Variants in BDNF observed in about 807,000 individuals in gnomAD.
The protein encoded by BDNF is neurotrophic factor BDNF precursor form.
Under a neutral mutation model 19.5 loss-of-function variants are expected in BDNF, and 1 was observed. The ratio of observed to expected loss-of-function variants is 0.05; its 90% CI spans 0.02 to 0.24. The LOEUF (loss-of-function observed/expected upper bound fraction) is 0.24, where lower values mean the gene tolerates loss of function less well. BDNF is among the 10% of genes least tolerant of loss of function. The pLI is 1.00. For missense variants in BDNF, 195 were observed against 317.6 expected (o/e 0.61, Z 2.93); for synonymous variants, 100 against 121.6 (o/e 0.82, Z 1.17).
intron 1 of BDNF, among the ~76,000 whole-genome samples, chr11:27,671,852 T>C (rs1483173569): frequency 6.6e-6 from 1 of 152,152 alleles, no homozygotes; most frequent in Non-Finnish European, 1.5e-5. Flanking sequence ...ATAAGATTTA[T>C]TTAGTGCAAT....
At position 27,658,414 on chromosome 11, in the gene BDNF, C is replaced by T. The variant is rs746682028; in HGVS notation, c.151G>A (p.Ala51Thr). ...AATGATGTCAAGCCTCTTGAACCTG[C>T]CTTGGGCCCATTCACGCTCTCCAGA... ...GTLESVNGPK[A>T]GSRGLTSLAD... Residue 51 changes from alanine to threonine, a missense_variant, in exon 2 of 2, where the codon GCA becomes ACA. Coordinates refer to ENST00000356660, the MANE Select transcript of BDNF (RefSeq NM_001709.5). The surrounding 1 kb of genome is among the most constrained non-coding windows in gnomAD (Gnocchi z 5.7). 1 of 1,614,196 alleles carries T rather than the reference C, an allele frequency of 6.2e-7. No individual in the cohort carries two copies. Among genetic ancestry groups the T allele is most frequent in the Non-Finnish European group, 8.5e-7 (1 of 1,180,038 alleles).
intron 1 of BDNF, among the ~76,000 whole-genome samples, chr11:27,685,092 A>G (rs1414686949): frequency 6.6e-6 from 1 of 152,156 alleles, no homozygotes; most frequent in Non-Finnish European, 1.5e-5. Context: ...TTATTGGTCT[A>G]TTCAGGAATT....
chr11:27,694,077 T>TA (rs1858657807), intron 1 of BDNF, among the ~76,000 whole-genome samples: 1 of 152,196 alleles, frequency 6.6e-6, no homozygotes, highest in Non-Finnish European at 1.5e-5. Context: ...ATTTTTTCTC[T>TA]GCTTACCAGA....
At position 27,657,966 on chromosome 11, in the gene BDNF, T is replaced by G; in HGVS notation, c.599A>C (p.Asp200Ala). The change falls in exon 2 of 2, where the codon GAC becomes GCC. Residue 200 changes from aspartate (D) to alanine (A), a missense_variant. By Grantham distance (126) the Asp-to-Ala change is moderately radical. Transcript: ENST00000356660. The surrounding 1 kb of genome is among the most constrained non-coding windows in gnomAD (Gnocchi z 5.0). The stretch of plus-strand genomic sequence containing the variant: ...GCACTGGGAGTTCCAATGCCTTTTG[T>G]CTATGCCCCTGCAGCCTTCTTTTGT... ...GYTKEGCRGIDKRHWNSQCRT... is the reference protein window; with the variant it reads ...GYTKEGCRGIAKRHWNSQCRT... 1 of 1,614,154 alleles carries G rather than the reference T, an allele frequency of 6.2e-7. No individual in the cohort carries two copies. The highest frequency in any genetic ancestry group is 8.5e-7 in the Non-Finnish European group (1 of 1,180,026).
intron 1 of BDNF, chr11:27,698,172 C>T (rs1444366774): frequency 8.1e-6 from 1 of 122,930 alleles, no homozygotes; most frequent in African/African-American, 3.0e-5. Context: ...TACATTTCAA[C>T]AAGTGTCTCT....
intron 1 of BDNF, among the ~76,000 whole-genome samples, chr11:27,690,636 AC>A (rs2134015296): frequency 6.6e-6 from 1 of 152,298 alleles, no homozygotes; most frequent in South Asian, 2.1e-4. Context: ...AATGAAAGAG[AC>A]CTATTGGATT....
upstream of BDNF, chr11:27,701,515 C>T (rs1859893766): frequency 2.0e-6 from 2 of 988,230 alleles, no homozygotes; most frequent in Non-Finnish European, 2.4e-6. Context: ...AGGTAATACT[C>T]GCACCCCATC....
At chr11:27,698,387 A>G (rs561634672) in intron 1 of BDNF, among the ~76,000 whole-genome samples, 1 of 152,272 alleles carries the variant, frequency 6.6e-6, no homozygotes, top group East Asian at 1.9e-4. Context: ...ATTATGTGTA[A>G]TGCCTTGAAA....
intron 1 of BDNF, among the ~76,000 whole-genome samples, chr11:27,683,510 GT>G (rs1857106857): frequency 6.6e-6 from 1 of 152,100 alleles, no homozygotes; most frequent in Admixed American, 6.6e-5. Context: ...TATTGCCTAG[GT>G]TTTCTTCTAG....
chr11:27,716,227 G>A (rs1860502291), intron 1 of BDNF, among the ~76,000 whole-genome samples: 1 of 152,058 alleles, frequency 6.6e-6, no homozygotes, highest in African/African-American at 2.4e-5. Context: ...AGCCAAAAAG[G>A]GGAAAAATTT....
chr11:27,701,011 G>A (rs778983778), upstream of BDNF: 8 of 1,361,632 alleles, frequency 5.9e-6, no homozygotes, highest in South Asian at 8.1e-5. Flanking sequence ...GCGAACGCGA[G>A]CACACAATGA....
intron 1 of BDNF, among the ~76,000 whole-genome samples, chr11:27,714,799 C>T (rs996884444): frequency 1.3e-5 from 2 of 152,104 alleles, no homozygotes; most frequent in Non-Finnish European, 2.9e-5. Context: ...AGAGTTTATT[C>T]TGAGAACATC....
intron 1 of BDNF, among the ~76,000 whole-genome samples, chr11:27,706,934 T>C (rs935171500): frequency 2.6e-5 from 4 of 152,234 alleles, no homozygotes; most frequent in African/African-American, 9.6e-5. Flanking sequence ...AACATTTAGC[T>C]TTCACTGTTT....
chr11:27,714,312 T>G (rs777658308), intron 1 of BDNF, among the ~76,000 whole-genome samples: 18 of 152,218 alleles, frequency 1.2e-4, no homozygotes, highest in Non-Finnish European at 2.5e-4. Flanking sequence ...ATGTTTCTTT[T>G]GGCTTGTCCA....
upstream of BDNF, among the ~76,000 whole-genome samples, chr11:27,703,378 A>G (rs989867384): frequency 6.6e-6 from 1 of 152,214 alleles, no homozygotes; most frequent in African/African-American, 2.4e-5. Flanking sequence ...CTGATGCTTC[A>G]CATTTGCTTG....
chr11:27,687,992 G>A (rs1039473364), intron 1 of BDNF, among the ~76,000 whole-genome samples: 5 of 152,202 alleles, frequency 3.3e-5, no homozygotes, highest in Non-Finnish European at 7.3e-5. Flanking sequence ...ATTTAAGTCT[G>A]CTGAAGCTGG....
rs574936175 is a variant in BDNF, at chr11:27,657,950, G to A, written c.615C>T (p.Asn205=). The part of the protein sequence containing the change: ...GCRGIDKRHW[N]SQCRTTQSYV... ...ACGACTGGGTAGTTCGGCACTGGGAGTTCCAATGCCTTTTGTCTATGCCCC... is the reference window on the plus strand; with the variant it reads ...ACGACTGGGTAGTTCGGCACTGGGAATTCCAATGCCTTTTGTCTATGCCCC... The change falls in exon 2 of 2, where the codon AAC becomes AAT. Residue 205 remains asparagine (N), a synonymous_variant. Transcript: ENST00000356660. This position sits in a 1 kb window ranked among gnomAD's most constrained non-coding sequence, Gnocchi z 5.0. The A allele has an allele frequency of 1.2e-6, 2 of 1,614,176 alleles. No individual in the cohort carries two copies. The highest frequency in any genetic ancestry group is 1.7e-5 in the Admixed American group (1 of 60,032).
At chr11:27,717,037 TA>T (rs1360669156) in intron 1 of BDNF, among the ~76,000 whole-genome samples, 10 of 152,338 alleles carry the variant, frequency 6.6e-5, no homozygotes, top group Admixed American at 2.0e-4. Flanking sequence ...TGTTGTTTCT[TA>T]CTAAAGCTTC....
chr11:27,719,744 G>C, intron 1 of BDNF: 1 of 98,528 alleles, frequency 1.0e-5, no homozygotes. Flanking sequence ...GGGCGGGGTG[G>C]AAGAAGGGGG....
Sources: allele counts gnomAD v4.1 joint callset (sites outside exome capture counted in the v4.1 genomes callset), GRCh38; gene constraint gnomAD v4.1.1; non-coding constraint Gnocchi (gnomAD v3.1); transcripts MANE v1.5; gene names NCBI Gene and HGNC (gene_info 2026-07-23, HGNC 2026-07-21).